PLCE1: variants seen among roughly 807,000 people sequenced by gnomAD.
PLCE1 encodes the protein phospholipase C epsilon 1, also known as 1-phosphatidylinositol 4,5-bisphosphate phosphodiesterase epsilon-1.
In PLCE1, 119 loss-of-function variants were observed where a neutral mutation model predicts 242.8. The observed-to-expected ratio is 0.49, with a 90% CI of 0.42 to 0.57. PLCE1 has a LOEUF of 0.57. Ranked by LOEUF, PLCE1 falls within the 20% of genes least tolerant of loss-of-function variation. The probability of loss-of-function intolerance (pLI) is 0.00; values close to 1 mark genes in which losing one functional copy is unlikely to be tolerated. For synonymous variants in PLCE1, 945 were observed against 1,017.4 expected, an observed-to-expected ratio of 0.93 and a Z score of 1.35; for missense variants, 2,441 against 2,788.8, an observed-to-expected ratio of 0.88 and a Z score of 2.81.
At chr10:94,272,244 T>C in intron 18 of PLCE1, among the ~76,000 whole-genome samples, 1 of 152,180 alleles carries the variant, frequency 6.6e-6, no homozygotes, top group Non-Finnish European at 1.5e-5. Flanking sequence ...CAGCTGTTTA[T>C]AGACCTCCCC....
chr10:94,297,568 C>T (rs1410749250), intron 23 of PLCE1, among the ~76,000 whole-genome samples: 1 of 123,614 alleles, frequency 8.1e-6, no homozygotes, highest in Non-Finnish European at 1.6e-5. Flanking sequence ...TGGAGGCAGG[C>T]CTGCCCCAAA....
At chr10:94,259,323 G>A (rs1349055824) in intron 13 of PLCE1, among the ~76,000 whole-genome samples, 173 bp downstream of exon 13, 1 of 150,234 alleles carries the variant, frequency 6.7e-6, no homozygotes, top group African/African-American at 2.5e-5. Flanking sequence ...TCACTCTGTA[G>A]CCCAGGCTGG....
At chr10:94,257,600 A>G (rs867027205) in intron 11 of PLCE1, among the ~76,000 whole-genome samples, 9 of 152,228 alleles carry the variant, frequency 5.9e-5, no homozygotes, top group African/African-American at 9.6e-5. Flanking sequence ...CATAAAAAGG[A>G]TGAGCTTCAT....
Position 94,246,080 on chromosome 10 carries a change from C to G in PLCE1, c.2555C>G (p.Ser852Cys), listed in dbSNP as rs774506744. The change falls in exon 8 of 33, where the codon TCC (serine) becomes TGC (cysteine). Residue 852 changes from serine (S) to cysteine (C), a missense_variant. This residue lies in a region of PLCE1 where 733 missense variants were observed against 754.2 expected (regional missense o/e 0.97). Transcript: ENST00000371380. ...GTELIPWYVL[S>C]IQADVHQFLL... is the part of the protein sequence containing the mutation. ...GAGCTCATCCCTTGGTACGTGCTGT[C>G]CATCCAAGCCGATGTGCACCAGTTC... The G allele has an allele frequency of 3.7e-6, 6 of 1,614,138 alleles. 1 individual carries two copies. In the South Asian group the frequency reaches 5.5e-5, roughly 15 times the overall value.
intron 1 of PLCE1, among the ~76,000 whole-genome samples, chr10:94,013,806 T>C (rs2061219311): frequency 6.6e-6 from 1 of 152,186 alleles, no homozygotes; most frequent in Non-Finnish European, 1.5e-5. Flanking sequence ...GCAAAGCCTT[T>C]CTAAGGAGAT....
intron 4 of PLCE1, among the ~76,000 whole-genome samples, chr10:94,220,376 TTA>T (rs59633337): frequency 0.014 from 867 of 61,782 alleles, 6 homozygotes; most frequent in African/African-American, 0.027. Context: ...ACTAAACATT[TTA>T]TATATATATA....
intron 29 of PLCE1, among the ~76,000 whole-genome samples, chr10:94,320,559 C>CTGGT (rs1356728184): frequency 6.6e-6 from 1 of 152,208 alleles, no homozygotes; most frequent in African/African-American, 2.4e-5. Flanking sequence ...ATGGATTCTT[C>CTGGT]TGGTTAGTTA....
chr10:94,316,365 A>G (rs980333026), intron 28 of PLCE1, among the ~76,000 whole-genome samples, 182 bp from the exon 29 acceptor site: 2 of 152,214 alleles, frequency 1.3e-5, no homozygotes, highest in East Asian at 3.8e-4. Flanking sequence ...CGTTGCCCGG[A>G]GTGAACATAA....
At chr10:94,088,938 G>T (rs947743405) in intron 2 of PLCE1, 1 of 645,400 alleles carries the variant, frequency 1.5e-6, no homozygotes. Flanking sequence ...TTTCACAGAG[G>T]TTTTTGCAAT....
chr10:94,133,326 C>G (rs2046668154), intron 3 of PLCE1, among the ~76,000 whole-genome samples: 1 of 152,204 alleles, frequency 6.6e-6, no homozygotes. Context: ...AACTTCCCAG[C>G]TACTTCCCAT....
At chr10:94,160,667 T>C (rs540088686) in intron 3 of PLCE1, among the ~76,000 whole-genome samples, 118 of 152,340 alleles carry the variant, frequency 7.7e-4, no homozygotes, top group Middle Eastern at 3.4e-3. Context: ...CCATTGCTTT[T>C]GGTGTTTTAG....
At chr10:94,164,481 G>A (rs917068501) in intron 3 of PLCE1, among the ~76,000 whole-genome samples, 6 of 152,048 alleles carry the variant, frequency 3.9e-5, no homozygotes, top group Non-Finnish European at 7.4e-5. Flanking sequence ...CGTAGTTCTC[G>A]TGCCATAGTT....
Position 94,189,029 on chromosome 10 carries a change from G to A in PLCE1, c.1809+17533G>A, listed in dbSNP as rs2048577255. On this transcript the variant is annotated intron_variant, in intron 4 of 32. Coordinates refer to ENST00000371380, the MANE Select transcript of PLCE1 (RefSeq NM_016341.4). ...AAAAAAAAAAAAAAAAAAAATTTGT[G>A]GTCCAGTGAATTTCAAATACCCTTT... is the stretch of plus-strand genomic sequence containing the variant. Among the ~76,000 whole-genome samples the A allele has an allele frequency of 2.0e-5, 3 of 149,784 alleles. No homozygotes were observed. The South Asian group carries it at 6.4e-4, about 32-fold the overall frequency.
Position 94,231,554 on chromosome 10 carries a change from C to T in PLCE1, c.1956-2500C>T, listed in dbSNP as rs184480114. 4.5e-3 allele frequency among the ~76,000 whole-genome samples: 670 copies of T among 150,418 alleles called. 1 individual carries two copies. Among genetic ancestry groups the T allele is most frequent in the Non-Finnish European group, 7.2e-3 (490 of 67,850 alleles). ...ACACACAATCTCATTCTCCTATGCT[C>T]TTGAATATGAATGAGTCTTGCAAAT... is the stretch of plus-strand genomic sequence containing the variant. On this transcript the variant is annotated intron_variant, in intron 5 of 32. Coordinates refer to ENST00000371380, the MANE Select transcript of PLCE1 (RefSeq NM_016341.4).
intron 1 of PLCE1, among the ~76,000 whole-genome samples, chr10:94,014,259 C>T (rs1564624712): frequency 6.6e-6 from 1 of 152,074 alleles, no homozygotes; most frequent in Non-Finnish European, 1.5e-5. Flanking sequence ...ATCCTGCCAT[C>T]TTAGAAATTG....
intron 2 of PLCE1, among the ~76,000 whole-genome samples, chr10:94,035,107 A>G (rs1034722877): frequency 6.6e-6 from 1 of 152,188 alleles, no homozygotes. Flanking sequence ...GATGACTTGC[A>G]CAGCATCTCC....
Position 94,074,799 on chromosome 10 carries a change from G to T in PLCE1, c.1206+42547G>T, listed in dbSNP as rs192082292. ...GGTCTAGTTACTAATGATATTAATT[G>T]CTTTATTTCCTCAGATCCCAATTTT... On this transcript the variant is annotated intron_variant, in intron 2 of 32. Transcript: ENST00000371380. Among the ~76,000 whole-genome samples, 202 of 152,242 alleles carry T rather than the reference G, an allele frequency of 1.3e-3. 1 individual carries two copies. In the East Asian group the frequency reaches 0.034, roughly 26 times the overall value.
intron 3 of PLCE1, among the ~76,000 whole-genome samples, chr10:94,169,164 G>A (rs1363040592): frequency 6.6e-6 from 1 of 152,140 alleles, no homozygotes; most frequent in African/African-American, 2.4e-5. Flanking sequence ...GTCCTCATTG[G>A]TTTAGTAATT....
intron 3 of PLCE1, among the ~76,000 whole-genome samples, chr10:94,161,716 GCATCCC>G (rs1198878228): frequency 4.6e-5 from 7 of 152,256 alleles, no homozygotes; most frequent in African/African-American, 1.7e-4. Context: ...GTGAGAGAGG[GCATCCC>G]TGTCTTGTGC....
Sources: gnomAD v4.1 joint callset for allele counts (sites outside exome capture counted in the v4.1 genomes callset) on GRCh38, gnomAD v4.1.1 for gene constraint, gnomAD v4.1.1 regional missense constraint, MANE v1.5 for transcripts, NCBI Gene and HGNC (gene_info 2026-07-23, HGNC 2026-07-21) for gene names.